ZFAND3: variants seen among roughly 807,000 people sequenced by gnomAD.
The protein encoded by ZFAND3 is zinc finger AN1-type containing 3.
In ZFAND3, 10 loss-of-function variants were observed where a neutral mutation model predicts 29.6. The observed-to-expected ratio is 0.34, with a 90% confidence interval of 0.21 to 0.57. The LOEUF is 0.57. ZFAND3 is among the 20% of genes least tolerant of loss of function. The probability of loss-of-function intolerance (pLI) is 0.86; values close to 1 mark genes in which losing one functional copy is unlikely to be tolerated. For missense variants in ZFAND3, 230 were observed against 304.5 expected (o/e 0.76, Z 1.82); for synonymous variants, 128 against 112.6 (o/e 1.14, Z -0.87).
intron 1 of ZFAND3, among the ~76,000 whole-genome samples, chr6:37,880,384 A>C (rs1178280647): frequency 1.3e-5 from 2 of 152,168 alleles, no homozygotes; most frequent in African/African-American, 4.8e-5. Context: ...TCTCCCACTA[A>C]AATTTTACCT....
intron 2 of ZFAND3, among the ~76,000 whole-genome samples, chr6:38,001,873 T>C (rs998368220): frequency 7.9e-5 from 12 of 152,340 alleles, no homozygotes; most frequent in Non-Finnish European, 1.6e-4. Flanking sequence ...AATTGAGTTA[T>C]GGCTGTTGGT....
At chr6:37,928,985 T>C (rs1272843487) in intron 1 of ZFAND3, among the ~76,000 whole-genome samples, 1 of 152,212 alleles carries the variant, frequency 6.6e-6, no homozygotes, top group African/African-American at 2.4e-5. Flanking sequence ...TCTGCCCACC[T>C]ATGTAATGGG....
intron 5 of ZFAND3, among the ~76,000 whole-genome samples, chr6:38,150,631 C>T (rs1207419934): frequency 1.3e-5 from 2 of 152,206 alleles, no homozygotes; most frequent in South Asian, 2.1e-4. Flanking sequence ...GTGGCCACTT[C>T]GTCCTTGCTT....
intron 2 of ZFAND3, among the ~76,000 whole-genome samples, chr6:38,045,760 C>G (rs1414156794): frequency 1.3e-5 from 2 of 151,874 alleles, no homozygotes; most frequent in Non-Finnish European, 2.9e-5. Context: ...GATATCAGGA[C>G]AAAGGGAAAA....
chr6:38,134,153 G>C (rs143013831), intron 5 of ZFAND3, among the ~76,000 whole-genome samples: 196 of 152,158 alleles, frequency 1.3e-3, no homozygotes, highest in African/African-American at 3.8e-3. Context: ...GGAAAACCGG[G>C]TCCACAGCAT....
At chr6:37,936,419 T>G (rs1450671634) in intron 2 of ZFAND3, among the ~76,000 whole-genome samples, 1 of 152,232 alleles carries the variant, frequency 6.6e-6, no homozygotes, top group Non-Finnish European at 1.5e-5. Flanking sequence ...TTGGAGTAGC[T>G]CTGATGACAG....
chr6:37,998,765 T>A (rs1369046823), intron 2 of ZFAND3, among the ~76,000 whole-genome samples: 1 of 152,120 alleles, frequency 6.6e-6, no homozygotes, highest in Non-Finnish European at 1.5e-5. Flanking sequence ...TTGGGGTGGG[T>A]ATTTACAGAA....
chr6:38,096,769 T>G (rs1764988891), intron 4 of ZFAND3, among the ~76,000 whole-genome samples: 1 of 152,150 alleles, frequency 6.6e-6, no homozygotes, highest in African/African-American at 2.4e-5. Flanking sequence ...TTCTGTTGAC[T>G]TTGTCTTCTG....
intron 1 of ZFAND3, among the ~76,000 whole-genome samples, chr6:37,859,686 C>G (rs980610280): frequency 6.6e-6 from 1 of 152,060 alleles, no homozygotes; most frequent in Non-Finnish European, 1.5e-5. Flanking sequence ...GAATGGCTTG[C>G]AAATATTGTG....
chr6:37,895,481 T>TTTTTTTTTTTTC (rs1765185540), intron 1 of ZFAND3, among the ~76,000 whole-genome samples: 1 of 140,836 alleles, frequency 7.1e-6, no homozygotes, highest in Non-Finnish European at 1.6e-5. Context: ...TTTTTTTTTT[T>TTTTTTTTTTTTC]TATCTTATAT....
intron 2 of ZFAND3, among the ~76,000 whole-genome samples, chr6:37,942,268 TA>T (rs1335848617): frequency 7.2e-6 from 1 of 139,718 alleles, no homozygotes; most frequent in East Asian, 1.9e-4. Context: ...ATCATATATA[TA>T]TATTTTTTTT....
chr6:38,088,204 A>C (rs1764794933), intron 4 of ZFAND3: 1 of 152,226 alleles, frequency 6.6e-6, no homozygotes, highest in Non-Finnish European at 1.5e-5. Context: ...AATGAGATCC[A>C]GTCATTCTTT....
At chr6:38,144,218 A>AT (rs1554183997) in intron 5 of ZFAND3, among the ~76,000 whole-genome samples, 932 of 31,224 alleles carry the variant, frequency 0.03, 35 homozygotes, top group African/African-American at 0.16. Context: ...TATAATATAT[A>AT]ATATATATAT....
intron 2 of ZFAND3, among the ~76,000 whole-genome samples, chr6:38,055,437 A>G (rs992948971): frequency 2.6e-5 from 4 of 152,182 alleles, no homozygotes; most frequent in Non-Finnish European, 1.5e-5. Flanking sequence ...AAACATTAAG[A>G]GTCAAATAAA....
intron 5 of ZFAND3, among the ~76,000 whole-genome samples, chr6:38,148,650 A>C (rs868041570): frequency 9.8e-5 from 15 of 152,292 alleles, no homozygotes; most frequent in Middle Eastern, 3.4e-3. Flanking sequence ...GGTTCATGAC[A>C]CTTGTAGTGG....
intron 1 of ZFAND3, among the ~76,000 whole-genome samples, chr6:37,901,110 A>G (rs916382681): frequency 6.6e-6 from 1 of 152,116 alleles, no homozygotes; most frequent in African/African-American, 2.4e-5. Context: ...GAGGTGAGGG[A>G]GCAAGGGAGC....
chr6:37,825,794 C>G (rs868511008), intron 1 of ZFAND3, among the ~76,000 whole-genome samples: 10 of 152,128 alleles, frequency 6.6e-5, no homozygotes, highest in African/African-American at 1.9e-4. Flanking sequence ...AATCAGAGAA[C>G]TAAGAAGGCT....
intron 2 of ZFAND3, among the ~76,000 whole-genome samples, chr6:38,009,482 A>G (rs1358342518): frequency 6.6e-6 from 1 of 152,210 alleles, no homozygotes; most frequent in Non-Finnish European, 1.5e-5. Flanking sequence ...GAAAATGGTT[A>G]TATTGGGAGA....
chr6:37,873,574 C>T (rs1436224534), intron 1 of ZFAND3, among the ~76,000 whole-genome samples: 1 of 152,034 alleles, frequency 6.6e-6, no homozygotes, highest in Non-Finnish European at 1.5e-5. Flanking sequence ...GATTGATGGT[C>T]CAGGGATATG....
Sources: gnomAD v4.1 joint callset for allele counts (sites outside exome capture counted in the v4.1 genomes callset) on GRCh38, gnomAD v4.1.1 for gene constraint, MANE v1.5 for transcripts, NCBI Gene and HGNC (gene_info 2026-07-23, HGNC 2026-07-21) for gene names.